Variants in OCA2 observed in about 807,000 individuals in gnomAD.
OCA2 encodes P protein.
OCA2 carries 77 observed loss-of-function variants against 100.2 expected under a neutral mutation model. The ratio of observed to expected loss-of-function variants is 0.77; its 90% confidence interval spans 0.64 to 0.93. The LOEUF is 0.93. OCA2 is among the 40% of genes least tolerant of loss of function. The pLI is 0.00. For synonymous variants in OCA2, 432 were observed against 439.2 expected (o/e 0.98, Z 0.21); for missense variants, 1,062 against 1,089.1 (o/e 0.98, Z 0.35).
intron 14 of OCA2, among the ~76,000 whole-genome samples, chr15:27,973,990 T>A (rs968956840): frequency 6.6e-6 from 1 of 152,184 alleles, no homozygotes; most frequent in Non-Finnish European, 1.5e-5. Flanking sequence ...GGCTTGGTCA[T>A]TGTTGGTATA....
At chr15:27,939,427 G>A (rs1370500669) in intron 18 of OCA2, among the ~76,000 whole-genome samples, 1 of 152,172 alleles carries the variant, frequency 6.6e-6, no homozygotes, top group Non-Finnish European at 1.5e-5. Context: ...ATGCTCCCTA[G>A]ATATCATGAA....
chr15:27,916,500 G>C (rs1004365876), intron 19 of OCA2, among the ~76,000 whole-genome samples: 2 of 152,134 alleles, frequency 1.3e-5, no homozygotes, highest in African/African-American at 4.8e-5. Flanking sequence ...AGGACACTTA[G>C]CATTTCAAAT....
At chr15:28,028,514 G>A (rs2042822885) in intron 3 of OCA2, among the ~76,000 whole-genome samples, 1 of 151,952 alleles carries the variant, frequency 6.6e-6, no homozygotes, top group Non-Finnish European at 1.5e-5. Context: ...TGGCCTACCT[G>A]GCTTCCCACA....
intron 9 of OCA2, among the ~76,000 whole-genome samples, chr15:28,003,963 G>T (rs554136846): frequency 6.6e-6 from 1 of 152,196 alleles, no homozygotes; most frequent in Admixed American, 6.5e-5. Context: ...GTCCCTTCCC[G>T]GCTCTGCTGG....
At position 27,922,683 on chromosome 15, in the gene OCA2, GTGTGT is replaced by G. The variant is rs1567110150; in HGVS notation, c.2079+3439_2079+3443del. The stretch of plus-strand genomic sequence containing the variant: ...GCTTTTGTGGTTTTTTGTTTGGGGT[GTGTGT>G]GTGTGTGTGTGTGTGTGTGTGTGTG... On this transcript the variant is annotated intron_variant, in intron 19 of 23. Transcript: ENST00000354638. 2.5e-4 allele frequency among the ~76,000 whole-genome samples: 9 copies of G among 36,320 alleles called. No individual in the cohort carries two copies. The African/African-American group carries it at 2.9e-3, about 12-fold the overall frequency. 23.8% of individuals were successfully genotyped at this position (36,320 alleles called of 152,430 possible).
chr15:28,054,159 A>T (rs748735897), intron 2 of OCA2, among the ~76,000 whole-genome samples: 1 of 152,176 alleles, frequency 6.6e-6, no homozygotes, highest in Non-Finnish European at 1.5e-5. Flanking sequence ...CTGTACATAT[A>T]TGTATTATAG....
At position 27,879,383 on chromosome 15, in the gene OCA2, G is replaced by C. The variant is rs144771694; in HGVS notation, c.2080-7461C>G. Among the ~76,000 whole-genome samples the C allele has an allele frequency of 9.2e-5, 14 of 152,286 alleles. No individual in the cohort carries two copies. In the East Asian group the frequency reaches 2.7e-3, roughly 29 times the overall value. ...TGGGTATATACCCAGCAATGGAATTGCTGGGTCAAATGGTATTTTGGGCCC... is the reference window on the plus strand; with the variant it reads ...TGGGTATATACCCAGCAATGGAATTCCTGGGTCAAATGGTATTTTGGGCCC... On this transcript the variant is annotated intron_variant, in intron 19 of 23. Coordinates refer to ENST00000354638, the MANE Select transcript of OCA2 (RefSeq NM_000275.3).
intron 23 of OCA2, among the ~76,000 whole-genome samples, chr15:27,798,067 G>A (rs2033424755): frequency 6.6e-6 from 1 of 152,260 alleles, no homozygotes; most frequent in Non-Finnish European, 1.5e-5. Flanking sequence ...CGTGTGACAT[G>A]CCGTCGCTAG....
intron 23 of OCA2, among the ~76,000 whole-genome samples, chr15:27,769,886 G>A (rs2031580483): frequency 7.3e-6 from 1 of 137,642 alleles, no homozygotes; most frequent in Non-Finnish European, 1.5e-5. Context: ...GCAGCGCCTC[G>A]GCCTGTGTGC....
chr15:27,943,329 G>A (rs950181170), intron 18 of OCA2, among the ~76,000 whole-genome samples: 1 of 152,046 alleles, frequency 6.6e-6, no homozygotes, highest in African/African-American at 2.4e-5. Context: ...GTAGCAATAA[G>A]ATACCAAATT....
rs1225562652 is a variant in OCA2 at position 27,871,047 on chromosome 15, G to A, written c.2244+107C>T. 23 of 844,462 alleles carry A rather than the reference G, an allele frequency of 2.7e-5. No individual in the cohort carries two copies. The South Asian group carries it at 2.8e-4, about 10-fold the overall frequency. 52.3% of individuals were successfully genotyped at this position (844,462 alleles called of 1,614,324 possible). On this transcript the variant is annotated intron_variant, in intron 21 of 23. Coordinates refer to ENST00000354638, the MANE Select transcript of OCA2 (RefSeq NM_000275.3). ...ACTTTCGTCCTCTACACCTGTGAGTGCAGCAGAGGGGCAGGCTTCATCCTC... is the reference window on the plus strand; with the variant it reads ...ACTTTCGTCCTCTACACCTGTGAGTACAGCAGAGGGGCAGGCTTCATCCTC...
intron 19 of OCA2, among the ~76,000 whole-genome samples, chr15:27,910,823 G>A (rs1356589187): frequency 1.3e-5 from 2 of 152,020 alleles, no homozygotes; most frequent in Non-Finnish European, 2.9e-5. Flanking sequence ...GGGCATGGTG[G>A]AGGGCATCTG....
chr15:27,735,732 CAAAACAAA>C, the OCA2 span, among the ~76,000 whole-genome samples: 266 of 150,884 alleles, frequency 1.8e-3, 1 homozygote, highest in South Asian at 8.2e-3. Context: ...AGGAAAAAAA[CAAAACAAA>C]AAAACAAAAA....
chr15:27,909,560 CAT>C (rs2038306739), intron 19 of OCA2, among the ~76,000 whole-genome samples: 1 of 152,076 alleles, frequency 6.6e-6, no homozygotes, highest in Non-Finnish European at 1.5e-5. Flanking sequence ...GACAAATAGA[CAT>C]GTAATATAAT....
At chr15:27,794,636 T>C (rs935508824) in intron 23 of OCA2, among the ~76,000 whole-genome samples, 19 of 152,120 alleles carry the variant, frequency 1.2e-4, no homozygotes, top group African/African-American at 4.6e-4. Flanking sequence ...AGGAAGTGTG[T>C]TGTAGAGCCA....
chr15:28,080,790 G>T (rs1399729012), intron 2 of OCA2, among the ~76,000 whole-genome samples: 2 of 152,242 alleles, frequency 1.3e-5, no homozygotes, highest in African/African-American at 4.8e-5. Context: ...CTCATAGGAT[G>T]CTGCTTTTCT....
At chr15:28,049,162 G>T (rs567889605) in intron 2 of OCA2, among the ~76,000 whole-genome samples, 5 of 152,056 alleles carry the variant, frequency 3.3e-5, no homozygotes, top group Non-Finnish European at 5.9e-5. Flanking sequence ...TTAAATGGGC[G>T]AAAGACTTAC....
At chr15:27,924,245 T>C (rs2038967458) in intron 19 of OCA2, among the ~76,000 whole-genome samples, 1 of 152,124 alleles carries the variant, frequency 6.6e-6, no homozygotes, top group African/African-American at 2.4e-5. Context: ...ACTTAATTTT[T>C]TTCAATATTT....
At chr15:27,828,385 G>A (rs2034817500) in intron 23 of OCA2, among the ~76,000 whole-genome samples, 1 of 152,208 alleles carries the variant, frequency 6.6e-6, no homozygotes, top group South Asian at 2.1e-4. Flanking sequence ...GCTCCCCTCT[G>A]AGGGCAGGGG....
Sources: allele counts gnomAD v4.1 joint callset (sites outside exome capture counted in the v4.1 genomes callset), GRCh38; gene constraint gnomAD v4.1.1; transcripts MANE v1.5; gene names NCBI Gene and HGNC (gene_info 2026-07-23, HGNC 2026-07-21).